SLC24A3: variants seen among roughly 807,000 people sequenced by gnomAD.
SLC24A3 encodes the protein sodium/potassium/calcium exchanger 3.
Under a neutral mutation model 75.8 loss-of-function variants are expected in SLC24A3, and 28 were observed. That is an observed-to-expected ratio of 0.37 (90% CI 0.27 to 0.51). The LOEUF (loss-of-function observed/expected upper bound fraction) is 0.51. SLC24A3 is among the 20% of genes least tolerant of loss of function. The probability of loss-of-function intolerance (pLI) is 0.94; values close to 1 mark genes in which losing one functional copy is unlikely to be tolerated. For synonymous variants in SLC24A3, 372 were observed against 334.1 expected (o/e 1.11, Z -1.24); for missense variants, 663 against 847.8 (o/e 0.78, Z 2.71).
chr20:19,709,486 G>T (rs1211632174), intron 15 of SLC24A3, among the ~76,000 whole-genome samples: 1 of 152,078 alleles, frequency 6.6e-6, no homozygotes, highest in Admixed American at 6.5e-5. Context: ...GCCGAGCGTG[G>T]TGGCACACAC....
chr20:19,368,213 T>A (rs1182150181), intron 2 of SLC24A3, among the ~76,000 whole-genome samples: 1 of 152,104 alleles, frequency 6.6e-6, no homozygotes. Flanking sequence ...AGAAACATCA[T>A]GGCTGGATGG....
intron 1 of SLC24A3, among the ~76,000 whole-genome samples, chr20:19,251,583 G>T (rs1460115928): frequency 6.6e-6 from 1 of 152,152 alleles, no homozygotes; most frequent in South Asian, 2.1e-4. Flanking sequence ...AGCTCTAGCC[G>T]GGGTCTCAGA....
chr20:19,347,374 C>A (rs1274819384), intron 2 of SLC24A3, among the ~76,000 whole-genome samples: 1 of 152,130 alleles, frequency 6.6e-6, no homozygotes, highest in Non-Finnish European at 1.5e-5. Context: ...TAGCCATGCA[C>A]CTCAGTTAAT....
chr20:19,477,887 G>A (rs768538690), intron 2 of SLC24A3, among the ~76,000 whole-genome samples: 1 of 152,174 alleles, frequency 6.6e-6, no homozygotes, highest in Non-Finnish European at 1.5e-5. Flanking sequence ...GGTTTTGCAG[G>A]TATTAGAAGT....
chr20:19,312,766 C>T (rs1434340480), intron 2 of SLC24A3, among the ~76,000 whole-genome samples: 2 of 152,010 alleles, frequency 1.3e-5, no homozygotes, highest in Non-Finnish European at 2.9e-5. Context: ...GAGTTTTATC[C>T]CAGGACTTAA....
At position 19,262,096 on chromosome 20, in the gene SLC24A3, C is replaced by T. The variant is rs149247720; in HGVS notation, c.143-18863C>T. 1.1e-4 allele frequency among the ~76,000 whole-genome samples: 16 copies of T among 152,190 alleles called. No homozygotes were observed. The East Asian group carries it at 2.9e-3, about 28-fold the overall frequency. ...AAATGGCTGCAGCAGTTGCAAGCAT[C>T]GCCTCTATACACAGAAAGAGAGAGA... On this transcript the variant is annotated intron_variant, in intron 1 of 16. Coordinates refer to ENST00000328041, the MANE Select transcript of SLC24A3 (RefSeq NM_020689.4).
intron 2 of SLC24A3, among the ~76,000 whole-genome samples, chr20:19,291,456 G>A (rs1983939588): frequency 6.6e-6 from 1 of 152,198 alleles, no homozygotes; most frequent in Non-Finnish European, 1.5e-5. Context: ...ACCTCGGTTT[G>A]TGTGCCCTGG....
intron 2 of SLC24A3, among the ~76,000 whole-genome samples, chr20:19,334,831 G>A (rs1009625688): frequency 6.6e-6 from 1 of 152,294 alleles, no homozygotes; most frequent in Admixed American, 6.5e-5. Context: ...TGCTTCTAGG[G>A]GTGTTTGTTG....
In SLC24A3 at chr20:19,693,320, C is replaced by T. The variant is rs771113685; in HGVS notation, c.1386C>T (p.Phe462=). Residue 462 remains phenylalanine (F), a synonymous_variant, in exon 13 of 17, where the codon TTC becomes TTT. Transcript: ENST00000328041. ...FTWPLSFVLY[F]TVPNCNKPRW... Reference sequence around the variant, plus strand: ...GGCCGCTGAGTTTCGTCTTATACTTCACTGTACCCAACTGCAACAAGCCGC... The same window carrying T: ...GGCCGCTGAGTTTCGTCTTATACTTTACTGTACCCAACTGCAACAAGCCGC... The T allele has an allele frequency of 7.4e-6, 12 of 1,613,894 alleles. No individual in the cohort carries two copies. The South Asian group carries it at 1.3e-4, about 18-fold the overall frequency.
intron 2 of SLC24A3, among the ~76,000 whole-genome samples, chr20:19,476,171 G>C (rs757407354): frequency 4.2e-4 from 64 of 152,182 alleles, no homozygotes; most frequent in Non-Finnish European, 7.9e-4. Context: ...TGCTGGTGTT[G>C]CAGCTGGTTA....
intron 9 of SLC24A3, among the ~76,000 whole-genome samples, chr20:19,678,530 C>T (rs1301810074): frequency 6.9e-6 from 1 of 145,208 alleles, no homozygotes; most frequent in African/African-American, 2.6e-5. Context: ...CCCAACCTCC[C>T]TCCCGGACGG....
Position 19,685,338 on chromosome 20 carries a change from C to T in SLC24A3, c.1301C>T (p.Pro434Leu), listed in dbSNP as rs760845120. Residue 434 changes from proline (P) to leucine (L), a missense_variant, in exon 12 of 17, where the codon CCG (proline) becomes CTG (leucine). By Grantham distance (98) the Pro-to-Leu change is moderately conservative. Transcript: ENST00000328041. Reference sequence around the variant, plus strand: ...GAGGACGAGGATGATGATGAAGGACCGTACACACCATTCGACACCCCCTGT... The same window carrying T: ...GAGGACGAGGATGATGATGAAGGACTGTACACACCATTCGACACCCCCTGT... ...EEEDEDDDEG[P>L]YTPFDTPSGK... 56 of 1,613,906 alleles carry T rather than the reference C, an allele frequency of 3.5e-5. No individual in the cohort carries two copies. The highest frequency in any genetic ancestry group is 4.1e-5 in the Non-Finnish European group (48 of 1,179,948).
At chr20:19,684,385 T>C (rs1241163139) in intron 11 of SLC24A3, 49 bp downstream of exon 11, 1 of 1,561,032 alleles carries the variant, frequency 6.4e-7, no homozygotes, top group African/African-American at 1.4e-5. Flanking sequence ...GGTGGGAAAC[T>C]CTGGGAAGGA....
chr20:19,669,156 A>G (rs374263264), intron 8 of SLC24A3, among the ~76,000 whole-genome samples: 67 of 152,256 alleles, frequency 4.4e-4, no homozygotes, highest in African/African-American at 1.4e-3. Flanking sequence ...AGGCAGGGGA[A>G]TAGTGGTGAG....
At chr20:19,419,011 A>T (rs757226563) in intron 2 of SLC24A3, among the ~76,000 whole-genome samples, 4 of 152,234 alleles carry the variant, frequency 2.6e-5, no homozygotes, top group Non-Finnish European at 4.4e-5. Flanking sequence ...GATGCTAGGA[A>T]ATCAACTCAT....
chr20:19,556,246 G>C (rs1309500685), intron 3 of SLC24A3, among the ~76,000 whole-genome samples: 1 of 152,066 alleles, frequency 6.6e-6, no homozygotes, highest in Non-Finnish European at 1.5e-5. Flanking sequence ...AGCACCACCG[G>C]CATCCAGAGT....
intron 2 of SLC24A3, among the ~76,000 whole-genome samples, chr20:19,299,335 GGCTCA>G (rs1984142718): frequency 1.3e-5 from 2 of 152,060 alleles, no homozygotes; most frequent in South Asian, 2.1e-4. Context: ...CACAGCAGTG[GGCTCA>G]GCTGAATGGG....
At chr20:19,559,547 T>A (rs979737113) in intron 3 of SLC24A3, among the ~76,000 whole-genome samples, 1 of 152,076 alleles carries the variant, frequency 6.6e-6, no homozygotes, top group Non-Finnish European at 1.5e-5. Context: ...GTGTGTTCTA[T>A]GTAATAAATC....
At chr20:19,302,066 A>G (rs1441769871) in intron 2 of SLC24A3, among the ~76,000 whole-genome samples, 1 of 152,240 alleles carries the variant, frequency 6.6e-6, no homozygotes, top group African/African-American at 2.4e-5. Flanking sequence ...TGAGTCAGGC[A>G]TTCCAGGAAC....
Sources: allele counts gnomAD v4.1 joint callset (sites outside exome capture counted in the v4.1 genomes callset), GRCh38; gene constraint gnomAD v4.1.1; transcripts MANE v1.5; gene names NCBI Gene and HGNC (gene_info 2026-07-23, HGNC 2026-07-21).